Variants in RCAN2 observed in about 807,000 individuals in gnomAD.
RCAN2 encodes calcipressin-2.
RCAN2 carries 9 observed loss-of-function variants against 23.6 expected under a neutral mutation model. The ratio of observed to expected loss-of-function variants is 0.38; its 90% confidence interval spans 0.23 to 0.67. RCAN2 has a LOEUF of 0.67. RCAN2 is among the 30% of genes least tolerant of loss of function. The pLI, the probability that RCAN2 is intolerant of heterozygous loss-of-function variation, is 0.51. For missense variants in RCAN2, 273 were observed against 302.3 expected, an observed-to-expected ratio of 0.90 and a Z score of 0.72; for synonymous variants, 109 against 115.7, an observed-to-expected ratio of 0.94 and a Z score of 0.37.
intron 1 of RCAN2, among the ~76,000 whole-genome samples, chr6:46,457,756 G>A (rs765287728): frequency 2.0e-5 from 3 of 152,098 alleles, no homozygotes; most frequent in African/African-American, 7.2e-5. Flanking sequence ...AAAAATCAGT[G>A]CTATCTTGAT....
At chr6:46,359,303 T>C (rs1329441360) in intron 2 of RCAN2, among the ~76,000 whole-genome samples, 2 of 152,308 alleles carry the variant, frequency 1.3e-5, no homozygotes, top group East Asian at 1.9e-4. Flanking sequence ...GGGCTGTAAT[T>C]ATCAGCCCCA....
chr6:46,417,744 C>T (rs932509068), intron 2 of RCAN2, among the ~76,000 whole-genome samples: 1 of 152,144 alleles, frequency 6.6e-6, no homozygotes, highest in Non-Finnish European at 1.5e-5. Context: ...TTCAGAGAAA[C>T]GAACTAAAAC....
intron 2 of RCAN2, among the ~76,000 whole-genome samples, chr6:46,456,223 T>C (rs1220806855): frequency 6.6e-6 from 1 of 152,192 alleles, no homozygotes; most frequent in African/African-American, 2.4e-5. Flanking sequence ...CACATGGCAA[T>C]ACCACCATGG....
chr6:46,358,699 ATTG>A (rs1484324313), intron 2 of RCAN2, among the ~76,000 whole-genome samples: 5 of 152,112 alleles, frequency 3.3e-5, no homozygotes, highest in Non-Finnish European at 5.9e-5. Context: ...AGAGGTAGGT[ATTG>A]TTAGAGTTTG....
At chr6:46,489,769 T>A (rs528218976) in intron 1 of RCAN2, among the ~76,000 whole-genome samples, 118 of 152,344 alleles carry the variant, frequency 7.7e-4, no homozygotes, top group Admixed American at 1.2e-3. Context: ...TTCTATGGAC[T>A]GGACTCAGGT....
intron 2 of RCAN2, among the ~76,000 whole-genome samples, chr6:46,263,509 GTGTATGTGTGTA>G (rs1279083209): frequency 1.1e-4 from 11 of 97,176 alleles, no homozygotes; most frequent in Non-Finnish European, 1.5e-4. Context: ...GTGTATGTGT[GTGTATGTGTGTA>G]TGTGTGTGTG....
intron 2 of RCAN2, among the ~76,000 whole-genome samples, chr6:46,335,504 G>A (rs917290116): frequency 6.6e-6 from 1 of 152,206 alleles, no homozygotes; most frequent in African/African-American, 2.4e-5. Flanking sequence ...TAAAGTGGGA[G>A]TCAATCATTG....
Position 46,361,347 on chromosome 6 carries a change from C to T in RCAN2, c.225+95405G>A, listed in dbSNP as rs902404899. On this transcript the variant is annotated intron_variant, in intron 2 of 4. Transcript: ENST00000371374. ...TGGAGGAATCTGTAGTCACCTTTGA[C>T]TCCCAGGCCACACTGGGCTTCCATA... 4.6e-5 allele frequency among the ~76,000 whole-genome samples: 7 copies of T among 152,304 alleles called. No homozygotes were observed. In the South Asian group the frequency reaches 6.2e-4, roughly 14 times the overall value.
At chr6:46,438,844 TG>T (rs1767445654) in intron 2 of RCAN2, among the ~76,000 whole-genome samples, 1 of 152,176 alleles carries the variant, frequency 6.6e-6, no homozygotes, top group African/African-American at 2.4e-5. Context: ...GAGCAATACT[TG>T]GGACATGGTA....
chr6:46,333,351 A>G (rs1376121759), intron 2 of RCAN2, among the ~76,000 whole-genome samples: 1 of 152,230 alleles, frequency 6.6e-6, no homozygotes, highest in Non-Finnish European at 1.5e-5. Context: ...CCATAGTAAT[A>G]TGTAGAAATA....
chr6:46,328,027 A>G (rs371785444), intron 2 of RCAN2, among the ~76,000 whole-genome samples: 1 of 152,252 alleles, frequency 6.6e-6, no homozygotes, highest in East Asian at 1.9e-4. Context: ...CTCTGTTTAC[A>G]TAAGGGGCTG....
intron 1 of RCAN2, among the ~76,000 whole-genome samples, chr6:46,477,615 C>T (rs1310340539): frequency 6.6e-6 from 1 of 152,044 alleles, no homozygotes; most frequent in Non-Finnish European, 1.5e-5. Flanking sequence ...GATAAGTTAC[C>T]TATTAATACA....
intron 4 of RCAN2, among the ~76,000 whole-genome samples, chr6:46,239,352 C>G (rs998998195): frequency 1.3e-5 from 2 of 152,134 alleles, no homozygotes; most frequent in Admixed American, 1.3e-4. Context: ...CCTTTGTAAC[C>G]TTTTTTCTCT....
intron 2 of RCAN2, among the ~76,000 whole-genome samples, chr6:46,374,832 A>C (rs1391730553): frequency 6.6e-6 from 1 of 152,220 alleles, no homozygotes; most frequent in African/African-American, 2.4e-5. Context: ...GAACGATAAA[A>C]GAAAACACCT....
Position 46,456,873 on chromosome 6 carries a change from C to T in RCAN2, c.104G>A (p.Trp35Ter). ...LFLLCCIDRD[W>*]AVTRCFAEEA... Reference sequence around the variant, plus strand: ...TTCTGCAAAACAACGAGTGACAGCCCAGTCCCTGTCTATGCAGCACAGTAA... The same window carrying T: ...TTCTGCAAAACAACGAGTGACAGCCTAGTCCCTGTCTATGCAGCACAGTAA... Residue 35 changes from tryptophan (W) to a stop codon, truncating the protein, a stop_gained, in exon 2 of 5, where the codon TGG (tryptophan) becomes TAG (stop). Transcript: ENST00000371374. LOFTEE classifies it high-confidence loss of function. 6.4e-7 allele frequency: 1 copy of T among 1,550,628 alleles called. No homozygotes were observed. The highest frequency in any genetic ancestry group is 8.7e-7 in the Non-Finnish European group (1 of 1,146,976).
At chr6:46,369,316 T>C (rs932051528) in intron 2 of RCAN2, among the ~76,000 whole-genome samples, 1 of 152,112 alleles carries the variant, frequency 6.6e-6, no homozygotes, top group Non-Finnish European at 1.5e-5. Context: ...AAAAAATAGG[T>C]AATAAGAGTG....
intron 2 of RCAN2, among the ~76,000 whole-genome samples, chr6:46,431,644 T>G (rs1348289655): frequency 6.6e-6 from 1 of 152,224 alleles, no homozygotes; most frequent in Admixed American, 6.5e-5. Context: ...CCACAGGAAG[T>G]GCACACATAA....
intron 4 of RCAN2, among the ~76,000 whole-genome samples, chr6:46,234,914 C>T (rs1451625051): frequency 6.6e-6 from 1 of 152,070 alleles, no homozygotes; most frequent in African/African-American, 2.4e-5. Flanking sequence ...GTTTCCCATT[C>T]TCAGGAGGGA....
At chr6:46,267,304 C>T (rs1207828922) in intron 2 of RCAN2, among the ~76,000 whole-genome samples, 2 of 151,916 alleles carry the variant, frequency 1.3e-5, no homozygotes, top group Admixed American at 1.3e-4. Flanking sequence ...ACAAAGTGAC[C>T]CATACATTAA....
Sources: gnomAD v4.1 joint callset for allele counts (sites outside exome capture counted in the v4.1 genomes callset) on GRCh38, gnomAD v4.1.1 for gene constraint, MANE v1.5 for transcripts, NCBI Gene and HGNC (gene_info 2026-07-23, HGNC 2026-07-21) for gene names.